CCSER1: variants seen among roughly 807,000 people sequenced by gnomAD.
CCSER1 encodes serine-rich coiled-coil domain-containing protein 1.
In CCSER1, 41 loss-of-function variants were observed where a neutral mutation model predicts 82.0. The observed-to-expected ratio is 0.50, with a 90% confidence interval of 0.39 to 0.65. The LOEUF (loss-of-function observed/expected upper bound fraction) is 0.65. CCSER1 is among the 30% of genes least tolerant of loss of function. The pLI is 0.00. For missense variants in CCSER1, 1,119 were observed against 1,064.2 expected, an observed-to-expected ratio of 1.05 and a Z score of -0.72; for synonymous variants, 414 against 383.9, an observed-to-expected ratio of 1.08 and a Z score of -0.92.
At chr4:91,493,714 G>T (rs1376480398) in intron 10 of CCSER1, among the ~76,000 whole-genome samples, 2 of 151,394 alleles carry the variant, frequency 1.3e-5, no homozygotes, top group African/African-American at 2.4e-5. Flanking sequence ...AATTCACTAT[G>T]AATTATAATT....
intron 10 of CCSER1, among the ~76,000 whole-genome samples, chr4:91,433,366 C>T (rs6532306): frequency 0.82 from 124,476 of 152,116 alleles, 51,185 homozygotes; most frequent in East Asian, 0.92. Context: ...GTAGCCTAAG[C>T]GTACAGTGTT....
chr4:90,864,489 C>G (rs771658782), intron 8 of CCSER1, among the ~76,000 whole-genome samples: 3 of 151,952 alleles, frequency 2.0e-5, no homozygotes, highest in Non-Finnish European at 4.4e-5. Flanking sequence ...GGCAAGCTCT[C>G]TCTCCATGTG....
At chr4:90,450,660 G>T (rs1018444536) in intron 4 of CCSER1, among the ~76,000 whole-genome samples, 2 of 152,162 alleles carry the variant, frequency 1.3e-5, no homozygotes, top group Non-Finnish European at 2.9e-5. Context: ...ATGAATCCAA[G>T]AATCAATTTC....
intron 5 of CCSER1, among the ~76,000 whole-genome samples, chr4:90,484,829 C>T (rs565872663): frequency 2.0e-5 from 3 of 152,292 alleles, no homozygotes; most frequent in East Asian, 3.9e-4. Context: ...GGTTAGGGAC[C>T]CTCTTGAGGA....
In CCSER1 at chr4:90,308,983, T is replaced by C. The variant is rs2153478798; in HGVS notation, c.699T>C (p.Asp233=). 2 of 1,613,868 alleles carry C rather than the reference T, an allele frequency of 1.2e-6. No individual in the cohort carries two copies. The highest frequency in any genetic ancestry group is 1.7e-4 in the Middle Eastern group (1 of 6,060). Residue 233 remains aspartate (D), a synonymous_variant, in exon 2 of 11, where the codon GAT becomes GAC. Transcript: ENST00000509176. ...GAGCTTCGCCATCCTGTTCTGTGGA[T>C]GTAACAGAACGGGCAGGAAGCTCTT... The part of the protein sequence containing the change: ...LVRASPSCSV[D]VTERAGSSLQ...
intron 9 of CCSER1, among the ~76,000 whole-genome samples, chr4:91,024,703 C>T (rs1195948844): frequency 1.3e-5 from 2 of 151,902 alleles, no homozygotes; most frequent in Non-Finnish European, 2.9e-5. Flanking sequence ...TTAATATATG[C>T]AAATTTTGTT....
At chr4:90,817,195 G>A (rs1457583933) in intron 8 of CCSER1, among the ~76,000 whole-genome samples, 1 of 151,876 alleles carries the variant, frequency 6.6e-6, no homozygotes, top group Non-Finnish European at 1.5e-5. Context: ...ATATCTTTGA[G>A]TTGACTAAAT....
intron 10 of CCSER1, among the ~76,000 whole-genome samples, chr4:91,344,952 T>C (rs1230424215): frequency 2.0e-5 from 3 of 152,220 alleles, no homozygotes; most frequent in Non-Finnish European, 4.4e-5. Context: ...AATAAGTATG[T>C]GCCAACTTAA....
intron 1 of CCSER1, among the ~76,000 whole-genome samples, chr4:90,207,288 T>C (rs1022564637): frequency 2.0e-5 from 3 of 152,208 alleles, no homozygotes; most frequent in African/African-American, 7.2e-5. Context: ...TTGATTTGTC[T>C]GTTGATACTT....
chr4:90,157,982 G>GT (rs1285417649), intron 1 of CCSER1, among the ~76,000 whole-genome samples: 2 of 152,120 alleles, frequency 1.3e-5, no homozygotes, highest in African/African-American at 4.8e-5. Context: ...TTTCTGCTCG[G>GT]TTTTTCCCCC....
chr4:90,675,536 T>G (rs1035892303), intron 6 of CCSER1, among the ~76,000 whole-genome samples: 2 of 151,980 alleles, frequency 1.3e-5, no homozygotes, highest in Non-Finnish European at 2.9e-5. Flanking sequence ...GTATATCTTA[T>G]GGGTAGACCA....
At chr4:91,419,596 A>G (rs920414985) in intron 10 of CCSER1, among the ~76,000 whole-genome samples, 1 of 152,062 alleles carries the variant, frequency 6.6e-6, no homozygotes, top group Admixed American at 6.5e-5. Context: ...TCATGGATTG[A>G]AAGAATTAAT....
chr4:90,310,358 C>A (rs1403436566), intron 2 of CCSER1, among the ~76,000 whole-genome samples: 1 of 151,980 alleles, frequency 6.6e-6, no homozygotes, highest in Non-Finnish European at 1.5e-5. Flanking sequence ...ATACCACCTG[C>A]TGGGCTATCT....
At chr4:90,580,207 A>G (rs980732907) in intron 5 of CCSER1, among the ~76,000 whole-genome samples, 1 of 152,178 alleles carries the variant, frequency 6.6e-6, no homozygotes, top group African/African-American at 2.4e-5. Flanking sequence ...TGTAAATGAT[A>G]TTATCTGTGG....
intron 10 of CCSER1, among the ~76,000 whole-genome samples, chr4:91,458,367 C>G (rs1218958473): frequency 6.6e-6 from 1 of 152,048 alleles, no homozygotes; most frequent in African/African-American, 2.4e-5. Flanking sequence ...TCTTCTCTTC[C>G]ATTGGTCTAT....
intron 10 of CCSER1, among the ~76,000 whole-genome samples, chr4:91,576,013 A>G (rs1355527267): frequency 6.6e-6 from 1 of 152,014 alleles, no homozygotes; most frequent in Non-Finnish European, 1.5e-5. Context: ...ATATACCCAA[A>G]GGAAATGAAA....
intron 3 of CCSER1, among the ~76,000 whole-genome samples, chr4:90,320,183 A>G (rs1157845945): frequency 6.6e-6 from 1 of 152,190 alleles, no homozygotes; most frequent in East Asian, 1.9e-4. Context: ...GCGGTCATTA[A>G]TATAGCACCT....
At chr4:90,619,460 G>T (rs952701468) in intron 5 of CCSER1, among the ~76,000 whole-genome samples, 2 of 152,002 alleles carry the variant, frequency 1.3e-5, no homozygotes, top group African/African-American at 4.8e-5. Flanking sequence ...AAAAAAATTT[G>T]TTTGATACCT....
chr4:91,059,540 T>C (rs1482473958), intron 9 of CCSER1, among the ~76,000 whole-genome samples: 1 of 151,492 alleles, frequency 6.6e-6, no homozygotes, highest in Non-Finnish European at 1.5e-5. Context: ...ATTCTTTGTT[T>C]TTAAATCAAA....
Sources: gnomAD v4.1 joint callset for allele counts (sites outside exome capture counted in the v4.1 genomes callset) on GRCh38, gnomAD v4.1.1 for gene constraint, MANE v1.5 for transcripts, NCBI Gene and HGNC (gene_info 2026-07-23, HGNC 2026-07-21) for gene names.